SLC6A5: variants seen among roughly 807,000 people sequenced by gnomAD.
SLC6A5 encodes the protein solute carrier family 6 member 5, also known as sodium- and chloride-dependent glycine transporter 2.
SLC6A5 carries 58 observed loss-of-function variants against 90.5 expected under a neutral mutation model. That is an observed-to-expected ratio of 0.64 (90% CI 0.52 to 0.80). The LOEUF is 0.80. Ranked by LOEUF, SLC6A5 falls within the 30% of genes least tolerant of loss-of-function variation. SLC6A5 has a pLI of 0.00. For synonymous variants in SLC6A5, 427 were observed against 401.4 expected (o/e 1.06, Z -0.76); for missense variants, 1,015 against 1,017.6 (o/e 1.00, Z 0.03).
chr11:20,652,666 G>GT (rs1461852841), intron 15 of SLC6A5, among the ~76,000 whole-genome samples: 1 of 152,176 alleles, frequency 6.6e-6, no homozygotes, highest in Non-Finnish European at 1.5e-5. Context: ...AAGCAGAACT[G>GT]TTATTATGCT....
rs1012916947 is a variant in SLC6A5, at chr11:20,658,592, A to G, written c.*3724A>G. ...AGGATTTGTGAAAGTGAAGCTTCCTATCTTTCCCAGATTTTGCTTTAATTG... is the reference window on the plus strand; with the variant it reads ...AGGATTTGTGAAAGTGAAGCTTCCTGTCTTTCCCAGATTTTGCTTTAATTG... On this transcript the variant is annotated 3_prime_UTR_variant, in exon 16 of 16. Coordinates refer to ENST00000525748, the MANE Select transcript of SLC6A5 (RefSeq NM_004211.5). The G allele has an allele frequency of 1.3e-5, 2 of 152,182 alleles. No homozygotes were observed. The highest frequency in any genetic ancestry group is 4.1e-4 in the South Asian group (2 of 4,830). 9.4% of individuals were successfully genotyped at this position (152,182 alleles called of 1,614,324 possible).
At chr11:20,600,333 GAGGAAGAAGAAGAAGAAGAA>G (rs1852435257) in intron 1 of SLC6A5, among the ~76,000 whole-genome samples, 1 of 100,290 alleles carries the variant, frequency 1.0e-5, no homozygotes, top group Non-Finnish European at 2.1e-5. Context: ...AAAAGAAGAA[GAGGAAGAAGAAGAAGAAGAA>G]GAAGAAGAAG....
chr11:20,606,017 A>G (rs1374190294), intron 3 of SLC6A5, among the ~76,000 whole-genome samples: 1 of 152,236 alleles, frequency 6.6e-6, no homozygotes, highest in Non-Finnish European at 1.5e-5. Context: ...GAGAAAGATC[A>G]GTTTTCCCTC....
chr11:20,654,886 G>T lies in SLC6A5; in HGVS notation c.*18G>T. On this transcript the variant is annotated 3_prime_UTR_variant, in exon 16 of 16. Coordinates refer to ENST00000525748, the MANE Select transcript of SLC6A5 (RefSeq NM_004211.5). ...AGTGCTAGTCCAGTGGTGTGGGATG[G>T]TCCAGACTTGATCCTGTTTTTCCTC... The T allele has an allele frequency of 6.2e-7, 1 of 1,613,524 alleles. No individual in the cohort carries two copies. Among genetic ancestry groups the T allele is most frequent in the Non-Finnish European group, 8.5e-7 (1 of 1,179,404 alleles).
intron 8 of SLC6A5, 31 bp downstream of exon 8, chr11:20,626,873 C>A (rs767659187): frequency 3.1e-6 from 5 of 1,602,738 alleles, no homozygotes; most frequent in Middle Eastern, 1.7e-4. Flanking sequence ...ATAACCAGCC[C>A]TGGGGGAGTG....
At chr11:20,617,627 T>G in intron 6 of SLC6A5, 125 bp from the exon 7 acceptor site, 1 of 799,218 alleles carries the variant, frequency 1.3e-6, no homozygotes, top group Non-Finnish European at 2.2e-6. Context: ...GATGGTGGGG[T>G]GGGTGGAGGA....
Position 20,617,755 on chromosome 11 carries a change from C to A in SLC6A5, c.1131C>A (p.Tyr377Ter), listed in dbSNP as rs121908493. The change falls in exon 7 of 16, where the codon TAC becomes TAA. Residue 377 changes from tyrosine to a stop codon, truncating the protein, a stop_gained. Coordinates refer to ENST00000525748, the MANE Select transcript of SLC6A5 (RefSeq NM_004211.5). LOFTEE classifies it high-confidence loss of function. ...FVSGSEEYFKYFVLKISAGIE... is the reference protein window; with the variant it reads ...FVSGSEEYFK ...CATCCCTCCCTCCAACTCTCAGGTA[C>A]TTTGTGCTGAAGATTTCTGCAGGGA... 42 of 1,613,738 alleles carry A rather than the reference C, an allele frequency of 2.6e-5. No individual in the cohort carries two copies. The highest frequency in any genetic ancestry group is 3.5e-5 in the Non-Finnish European group (41 of 1,179,928).
chr11:20,643,263 G>A (rs1048504106), intron 13 of SLC6A5, among the ~76,000 whole-genome samples: 1 of 151,034 alleles, frequency 6.6e-6, no homozygotes, highest in Non-Finnish European at 1.5e-5. Flanking sequence ...GAGGCCTGCT[G>A]TTGGTGCTTT....
intron 9 of SLC6A5, among the ~76,000 whole-genome samples, chr11:20,628,685 A>T (rs1294989116): frequency 6.6e-6 from 1 of 152,210 alleles, no homozygotes; most frequent in Non-Finnish European, 1.5e-5. Context: ...TGGTATTTAA[A>T]CTTCATTAGT....
chr11:20,639,419 A>G (rs972575301), intron 13 of SLC6A5, among the ~76,000 whole-genome samples: 1 of 152,160 alleles, frequency 6.6e-6, no homozygotes, highest in African/African-American at 2.4e-5. Flanking sequence ...TCAGATCCCA[A>G]AAGAGACAGC....
Position 20,604,312 on chromosome 11 carries a change from G to A in SLC6A5, c.567G>A (p.Lys189=). Residue 189 remains lysine, a synonymous_variant, in exon 3 of 16, where the codon AAG becomes AAA. Transcript: ENST00000525748. ...AGGACGAGCAAGGGGATGAGAATAA[G>A]GCCCGAGGGAACTGGTCCAGCAAAC... ...TQEDEQGDEN[K]ARGNWSSKLD... The A allele has an allele frequency of 6.2e-7, 1 of 1,613,730 alleles. No homozygotes were observed. Among genetic ancestry groups the A allele is most frequent in the South Asian group, 1.1e-5 (1 of 91,022 alleles).
Position 20,655,429 on chromosome 11 carries a change from C to T in SLC6A5, c.*561C>T, listed in dbSNP as rs1853625166. 1 of 164,808 alleles carries T rather than the reference C, an allele frequency of 6.1e-6. No individual in the cohort carries two copies. The highest frequency in any genetic ancestry group is 2.4e-5 in the African/African-American group (1 of 41,566). 10.2% of individuals were successfully genotyped at this position (164,808 alleles called of 1,614,324 possible). A position where few individuals can be genotyped will look rare whatever the true frequency, so the allele number is the denominator to read the frequency against. On this transcript the variant is annotated 3_prime_UTR_variant, in exon 16 of 16. Transcript: ENST00000525748. Reference sequence around the variant, plus strand: ...ACTGAGGTGGTTAAGTTTATATTTCCAGTCACCACTGGGGATCTGTTTCCT... The same window carrying T: ...ACTGAGGTGGTTAAGTTTATATTTCTAGTCACCACTGGGGATCTGTTTCCT...
intron 14 of SLC6A5, among the ~76,000 whole-genome samples, chr11:20,650,339 C>T (rs1309440213): frequency 1.3e-5 from 2 of 152,144 alleles, no homozygotes; most frequent in Non-Finnish European, 2.9e-5. Context: ...ACTTAAATTC[C>T]TTTCTTTCTC....
chr11:20,626,769 T>A lies in SLC6A5; in HGVS notation c.1322T>A (p.Val441Asp). ...VVLVILLIRG[V>D]TLPGAGAGIW... ...CTCGTGATCCTCCTCATCCGAGGAG[T>A]CACCCTGCCTGGAGCTGGAGCTGGG... The change falls in exon 8 of 16, where the codon GTC becomes GAC. Residue 441 changes from valine to aspartate, a missense_variant. Transcript: ENST00000525748. The A allele has an allele frequency of 6.2e-7, 1 of 1,613,546 alleles. No homozygotes were observed. The highest frequency in any genetic ancestry group is 8.5e-7 in the Non-Finnish European group (1 of 1,179,586).
intron 5 of SLC6A5, among the ~76,000 whole-genome samples, chr11:20,608,950 C>G (rs61880504): frequency 0.36 from 28,828 of 79,664 alleles, 3,195 homozygotes; most frequent in Middle Eastern, 0.48. Context: ...CTCTCTCTCT[C>G]TCTCTCTCTG....
Position 20,601,668 on chromosome 11 carries a change from A to G in SLC6A5, c.540+3A>G, listed in dbSNP as rs773428459. On this transcript the variant is annotated splice_donor_region_variant and intron_variant, in intron 2 of 15. Coordinates refer to ENST00000525748, the MANE Select transcript of SLC6A5 (RefSeq NM_004211.5). Reference sequence around the variant, plus strand: ...GCGTGGCCACCGTTGCCACCCAGGTAAGCAGGTTGCATTACGGCCCGCACA... The same window carrying G: ...GCGTGGCCACCGTTGCCACCCAGGTGAGCAGGTTGCATTACGGCCCGCACA... The G allele has an allele frequency of 6.2e-7, 1 of 1,613,032 alleles. No homozygotes were observed. The highest frequency in any genetic ancestry group is 1.3e-5 in the African/African-American group (1 of 74,908).
At chr11:20,644,052 AT>A (rs1188166188) in intron 13 of SLC6A5, among the ~76,000 whole-genome samples, 1 of 152,186 alleles carries the variant, frequency 6.6e-6, no homozygotes, top group African/African-American at 2.4e-5. Flanking sequence ...TTATTTATGT[AT>A]TTTTTATTAG....
intron 7 of SLC6A5, among the ~76,000 whole-genome samples, chr11:20,619,582 G>A (rs968316347): frequency 6.6e-6 from 1 of 152,064 alleles, no homozygotes; most frequent in Non-Finnish European, 1.5e-5. Context: ...CTCTACTTGG[G>A]TGGTGAAACA....
At chr11:20,605,482 G>T (rs182709264) in intron 3 of SLC6A5, among the ~76,000 whole-genome samples, 2 of 152,304 alleles carry the variant, frequency 1.3e-5, no homozygotes, top group East Asian at 3.9e-4. Context: ...TTGCCATCGG[G>T]GGTGCCCTGA....
Sources: gnomAD v4.1 joint callset for allele counts (sites outside exome capture counted in the v4.1 genomes callset) on GRCh38, gnomAD v4.1.1 for gene constraint, MANE v1.5 for transcripts, NCBI Gene and HGNC (gene_info 2026-07-23, HGNC 2026-07-21) for gene names.